SYK: variants seen among roughly 807,000 people sequenced by gnomAD.
SYK encodes the protein tyrosine-protein kinase SYK.
SYK carries 16 observed loss-of-function variants against 77.8 expected under a neutral mutation model. The observed-to-expected ratio is 0.21, with a 90% CI of 0.14 to 0.31. The LOEUF is 0.31. Among genes scored for constraint, SYK ranks in the 10% least tolerant of loss-of-function variants. The probability of loss-of-function intolerance (pLI) is 1.00; values close to 1 mark genes in which losing one functional copy is unlikely to be tolerated. For missense variants in SYK, 529 were observed against 814.4 expected (o/e 0.65, Z 4.26); for synonymous variants, 312 against 308.7 (o/e 1.01, Z -0.11).
chr9:90,822,499 T>A (rs1393740505), intron 1 of SYK, among the ~76,000 whole-genome samples: 1 of 152,244 alleles, frequency 6.6e-6, no homozygotes, highest in Non-Finnish European at 1.5e-5. Context: ...CACACTTTTC[T>A]TATGAAAGAA....
chr9:90,848,872 C>T (rs1826703778), intron 3 of SYK, among the ~76,000 whole-genome samples: 1 of 152,220 alleles, frequency 6.6e-6, no homozygotes, highest in South Asian at 2.1e-4. Context: ...GCTGGGTCTT[C>T]TTTCTGCTGC....
At chr9:90,890,315 C>T (rs1304411402) in intron 13 of SYK, among the ~76,000 whole-genome samples, 1 of 152,208 alleles carries the variant, frequency 6.6e-6, no homozygotes, top group East Asian at 1.9e-4. Flanking sequence ...GACCTCTGTC[C>T]TCCATGGACG....
At chr9:90,836,944 A>G (rs1228526713) in intron 1 of SYK, among the ~76,000 whole-genome samples, 4 of 152,238 alleles carry the variant, frequency 2.6e-5, no homozygotes, top group Non-Finnish European at 4.4e-5. Flanking sequence ...AATACAGTAC[A>G]GTATTGTAAA....
At chr9:90,827,770 T>C (rs987800259) in intron 1 of SYK, among the ~76,000 whole-genome samples, 2 of 152,202 alleles carry the variant, frequency 1.3e-5, no homozygotes, top group African/African-American at 2.4e-5. Flanking sequence ...TGCCATCTTG[T>C]CTTGCCTGCA....
intron 13 of SYK, among the ~76,000 whole-genome samples, chr9:90,890,936 CAG>C (rs1258649260): frequency 2.6e-5 from 4 of 152,162 alleles, no homozygotes; most frequent in African/African-American, 9.7e-5. Flanking sequence ...CTCTTTCCTG[CAG>C]AGAGACAAGG....
At chr9:90,841,552 G>A (rs1316097555) in intron 1 of SYK, among the ~76,000 whole-genome samples, 1 of 106,686 alleles carries the variant, frequency 9.4e-6, no homozygotes, top group Non-Finnish European at 2.1e-5. Context: ...GTGTATGTGT[G>A]TGGTGTAGTG....
intron 2 of SYK, among the ~76,000 whole-genome samples, chr9:90,844,903 A>G (rs974718920): frequency 2.6e-5 from 4 of 152,156 alleles, no homozygotes; most frequent in African/African-American, 9.7e-5. Flanking sequence ...AAGGGTTGGG[A>G]TTGCCACAGC....
In SYK at chr9:90,837,044, TGCA is replaced by T. The variant is rs1564082458; in HGVS notation, c.-41-6813_-41-6811del. Among the ~76,000 whole-genome samples the T allele has an allele frequency of 9.1e-4, 138 of 152,290 alleles. 1 individual carries two copies. Among genetic ancestry groups the T allele is most frequent in the African/African-American group, 3.3e-3 (136 of 41,544 alleles). ...AATATAGTATATGATACATATAACATGCAAAATATGTGTTAATCAGTTATTTAT... is the reference window on the plus strand; with the variant it reads ...AATATAGTATATGATACATATAACATAAATATGTGTTAATCAGTTATTTAT... On this transcript the variant is annotated intron_variant, in intron 1 of 13. Transcript: ENST00000375754.
At chr9:90,837,358 A>G (rs1826122582) in intron 1 of SYK, among the ~76,000 whole-genome samples, 1 of 152,132 alleles carries the variant, frequency 6.6e-6, no homozygotes. Flanking sequence ...TGTTGATGCT[A>G]CAAAGGTAAT....
chr9:90,818,244 G>A (rs924004677), intron 1 of SYK, among the ~76,000 whole-genome samples: 1 of 152,196 alleles, frequency 6.6e-6, no homozygotes, highest in Non-Finnish European at 1.5e-5. Flanking sequence ...CAACACCCAA[G>A]CAATCTGATA....
chr9:90,844,442 G>A (rs913091043), intron 2 of SYK, 127 bp downstream of exon 2: 21 of 1,187,896 alleles, frequency 1.8e-5, no homozygotes, highest in Admixed American at 3.1e-5. Flanking sequence ...ATCTCCTTAA[G>A]CATCAATTTT....
At chr9:90,861,760 AGCTG>A (rs1418525774) in intron 3 of SYK, among the ~76,000 whole-genome samples, 1 of 152,162 alleles carries the variant, frequency 6.6e-6, no homozygotes, top group Non-Finnish European at 1.5e-5. Flanking sequence ...TAGGTGGTAG[AGCTG>A]TCCATCTTGG....
intron 1 of SYK, among the ~76,000 whole-genome samples, chr9:90,805,474 C>A (rs1163534459): frequency 6.6e-6 from 1 of 152,164 alleles, no homozygotes; most frequent in Non-Finnish European, 1.5e-5. Context: ...AGGCTCTCGA[C>A]CTGGATACTG....
In SYK at chr9:90,897,758, C is replaced by T. The variant is rs1460184520; in HGVS notation, c.*2158C>T. The T allele has an allele frequency of 4.5e-6, 1 of 223,136 alleles. No homozygotes were observed. Among genetic ancestry groups the T allele is most frequent in the African/African-American group, 2.2e-5 (1 of 44,796 alleles). The allele number at this position is 223,136 out of a possible 1,614,324, so 13.8% of individuals were successfully genotyped here. The stretch of plus-strand genomic sequence containing the variant: ...CCCTGCAGAGGTCCGGCCAGGTCTC[C>T]TTGTCCCTGGACAATCTCCTGAGCC... On this transcript the variant is annotated 3_prime_UTR_variant, in exon 14 of 14. Coordinates refer to ENST00000375754, the MANE Select transcript of SYK (RefSeq NM_003177.7).
intron 7 of SYK, among the ~76,000 whole-genome samples, chr9:90,869,245 A>G (rs1318511271): frequency 6.6e-6 from 1 of 152,186 alleles, no homozygotes; most frequent in Non-Finnish European, 1.5e-5. Flanking sequence ...AGAGTAATTA[A>G]TCTGATTAAT....
intron 1 of SYK, among the ~76,000 whole-genome samples, chr9:90,811,515 T>C (rs913369203): frequency 2.6e-5 from 4 of 152,206 alleles, no homozygotes; most frequent in Non-Finnish European, 4.4e-5. Context: ...GTTGGAATCC[T>C]ATGCAGTCTT....
chr9:90,885,918 G>A (rs1334633907), intron 11 of SYK, among the ~76,000 whole-genome samples: 1 of 152,164 alleles, frequency 6.6e-6, no homozygotes, highest in Non-Finnish European at 1.5e-5. Context: ...CACCCAAGGA[G>A]ACCATGTCCA....
chr9:90,834,716 T>C (rs1380451753), intron 1 of SYK, among the ~76,000 whole-genome samples: 3 of 152,228 alleles, frequency 2.0e-5, no homozygotes, highest in African/African-American at 7.2e-5. Flanking sequence ...AACTAAAATT[T>C]GTAAGCTTTC....
chr9:90,854,337 G>A (rs11787537), intron 3 of SYK, among the ~76,000 whole-genome samples: 23,904 of 152,194 alleles, frequency 0.16, 2,049 homozygotes, highest in Middle Eastern at 0.21. Context: ...CCAGTAGTTT[G>A]CAGATGTCTG....
Sources: gnomAD v4.1 joint callset for allele counts (sites outside exome capture counted in the v4.1 genomes callset) on GRCh38, gnomAD v4.1.1 for gene constraint, MANE v1.5 for transcripts, NCBI Gene and HGNC (gene_info 2026-07-23, HGNC 2026-07-21) for gene names.